The following HERC1 variants were observed in gnomAD, a reference collection of about 807,000 sequenced individuals.
HERC1 encodes probable E3 ubiquitin-protein ligase HERC1.
In HERC1, 160 loss-of-function variants were observed where a neutral mutation model predicts 554.3. The ratio of observed to expected loss-of-function variants is 0.29; its 90% CI spans 0.25 to 0.33. The LOEUF is 0.33. HERC1 is among the 10% of genes least tolerant of loss of function. The pLI, the probability that HERC1 is intolerant of heterozygous loss-of-function variation, is 1.00. For missense variants in HERC1, 4,919 were observed against 5,918.5 expected, an observed-to-expected ratio of 0.83 and a Z score of 5.54; for synonymous variants, 2,175 against 2,131.7, an observed-to-expected ratio of 1.02 and a Z score of -0.56.
intron 14 of HERC1, among the ~76,000 whole-genome samples, chr15:63,731,166 A>T (rs543340926): frequency 6.6e-6 from 1 of 152,262 alleles, no homozygotes; most frequent in South Asian, 2.1e-4. Context: ...CCACTCCTCT[A>T]TTTTTAGATG....
rs749817540 is a variant in HERC1 at position 63,694,436 on chromosome 15, A to G, written c.5356T>C (p.Cys1786Arg). 2 of 1,613,894 alleles carry G rather than the reference A, an allele frequency of 1.2e-6. No homozygotes were observed. The highest frequency in any genetic ancestry group is 2.7e-5 in the African/African-American group (2 of 74,930). Residue 1786 changes from cysteine to arginine, a missense_variant, in exon 29 of 78, where the codon TGT (cysteine) becomes CGT (arginine). Cys to Arg is a radical substitution (Grantham distance 180, BLOSUM62 -3). Around this residue, in one of 11 missense-constraint regions of HERC1, gnomAD observed 1,121 missense variants for 1,244.0 expected, o/e 0.90. Transcript: ENST00000443617. This position sits in a 1 kb window ranked among gnomAD's most constrained non-coding sequence, Gnocchi z 4.3. The part of the protein sequence containing the change: ...TGLLNVLSQL[C>R]GTDTMLGQPL... ...TGTCCTAGCATGGTGTCTGTACCAC[A>G]CAACTGTGACAATACGTTTAGCAGA... is the stretch of plus-strand genomic sequence containing the variant.
At chr15:63,630,797 C>T in intron 68 of HERC1, 162 bp from the exon 69 acceptor site, 1 of 546,190 alleles carries the variant, frequency 1.8e-6, no homozygotes, top group Non-Finnish European at 3.0e-6. Context: ...ACACCACGTT[C>T]TGAATAAATA....
At position 63,716,310 on chromosome 15, in the gene HERC1, G is replaced by A; in HGVS notation, c.4142C>T (p.Thr1381Ile). 6.2e-7 allele frequency: 1 copy of A among 1,613,202 alleles called. No individual in the cohort carries two copies. The highest frequency in any genetic ancestry group is 8.5e-7 in the Non-Finnish European group (1 of 1,179,536). ...AAGAAGGGTATACTCACTGCCAGCT[G>A]TCATCACTTCATGTTCCCGTTCCTC... ...EEEEREHEVM[T>I]AGKIFQCFLS... Residue 1381 changes from threonine to isoleucine, a missense_variant, in exon 22 of 78, where the codon ACA becomes ATA. Thr to Ile is a moderately conservative substitution (Grantham distance 89). Coordinates refer to ENST00000443617, the MANE Select transcript of HERC1 (RefSeq NM_003922.4).
chr15:63,624,160 G>A lies in HERC1; in HGVS notation c.13443C>T (p.Thr4481=), dbSNP rs2068202707. The A allele has an allele frequency of 6.2e-7, 1 of 1,608,754 alleles. No individual in the cohort carries two copies. Among genetic ancestry groups the A allele is most frequent in the African/African-American group, 1.3e-5 (1 of 74,794 alleles). Residue 4481 remains threonine, a splice_region_variant and synonymous_variant, in exon 72 of 78, where the codon ACC becomes ACT. Transcript: ENST00000443617. ...GPQITVKRIS[T]RGRKCKPIFV... is the part of the protein sequence containing the mutation. ...CAAACACACATACATATGCTAACCT[G>A]GTTGATATCCTCTTTACAGTTATCT...
Position 63,636,988 on chromosome 15 carries a change from C to T in HERC1, c.12232+517G>A, listed in dbSNP as rs1190790142. On this transcript the variant is annotated intron_variant, in intron 64 of 77. Transcript: ENST00000443617. ...CTCATAGTTACTTGTATGCTTTTAC[C>T]TAAAAAAACCGTCGGTGCTCTCTTT... 50 of 371,302 alleles carry T rather than the reference C, an allele frequency of 1.3e-4. 1 individual carries two copies. The Admixed American group carries it at 1.8e-3, about 14-fold the overall frequency. The allele number at this position is 371,302 out of a possible 1,614,324, so 23.0% of individuals were successfully genotyped here.
At chr15:63,663,227 A>G (rs2070445153) in intron 43 of HERC1, 23 bp from the exon 44 acceptor site, 1 of 1,591,248 alleles carries the variant, frequency 6.3e-7, no homozygotes, top group Non-Finnish European at 8.6e-7. Context: ...CAAAAAAGGC[A>G]TTTTATTTGC....
chr15:63,824,153 G>A (rs1893306907), intron 1 of HERC1, among the ~76,000 whole-genome samples: 10 of 152,184 alleles, frequency 6.6e-5, no homozygotes, highest in African/African-American at 2.4e-5. Flanking sequence ...GTTGATGAGG[G>A]AGTGGGGAAA....
intron 7 of HERC1, among the ~76,000 whole-genome samples, chr15:63,753,926 C>T (rs1349268933): frequency 6.6e-6 from 1 of 152,100 alleles, no homozygotes; most frequent in Admixed American, 6.5e-5. Flanking sequence ...GTAATACAAG[C>T]ACTTTGGGAG....
chr15:63,767,995 C>T (rs1004057566), intron 2 of HERC1, among the ~76,000 whole-genome samples: 1 of 151,968 alleles, frequency 6.6e-6, no homozygotes, highest in African/African-American at 2.4e-5. Flanking sequence ...TCATAGTCTC[C>T]GTTATCGCCC....
In HERC1 at chr15:63,634,815, T is replaced by C. The variant is rs1438499204; in HGVS notation, c.12488A>G (p.Tyr4163Cys). The C allele has an allele frequency of 1.2e-6, 2 of 1,613,266 alleles. No homozygotes were observed. Among genetic ancestry groups the C allele is most frequent in the Non-Finnish European group, 1.7e-6 (2 of 1,179,440 alleles). The stretch of plus-strand genomic sequence containing the variant: ...GGTATTTCCAAGACCCAGACGACCA[T>C]AGTCACCATTCCCAAAGGTGAACAG... ...GKLFTFGNGD[Y>C]GRLGLGNTSN... The change falls in exon 66 of 78, where the codon TAT (tyrosine) becomes TGT (cysteine). Residue 4163 changes from tyrosine to cysteine, a missense_variant. Physicochemically the swap from Tyr to Cys is radical, Grantham distance 194 (BLOSUM62 -2). Around this residue, in one of 11 missense-constraint regions of HERC1, gnomAD observed 410 missense variants for 467.0 expected, o/e 0.88. Coordinates refer to ENST00000443617, the MANE Select transcript of HERC1 (RefSeq NM_003922.4).
At chr15:63,737,417 C>A (rs1173048232) in intron 12 of HERC1, among the ~76,000 whole-genome samples, 3 of 69,886 alleles carry the variant, frequency 4.3e-5, no homozygotes, top group Non-Finnish European at 3.1e-5. Context: ...ATATATATAT[C>A]TTTTTTCCAG....
At chr15:63,829,474 A>C (rs1235102298) in intron 1 of HERC1, among the ~76,000 whole-genome samples, 1 of 36,046 alleles carries the variant, frequency 2.8e-5, no homozygotes, top group Non-Finnish European at 7.3e-5. Context: ...ATATATGTTT[A>C]TATAAATATA....
At chr15:63,631,575 T>G (rs185333460) in intron 68 of HERC1, among the ~76,000 whole-genome samples, 221 of 152,118 alleles carry the variant, frequency 1.5e-3, no homozygotes, top group African/African-American at 4.9e-3. Context: ...GTTTCGCTCT[T>G]GTCGCCCAGG....
At chr15:63,699,368 G>A (rs2072601287) in intron 25 of HERC1, among the ~76,000 whole-genome samples, 1 of 152,206 alleles carries the variant, frequency 6.6e-6, no homozygotes. Flanking sequence ...AGGCACTTAA[G>A]ACACTGCTAG....
In HERC1 at chr15:63,614,698, G is replaced by A. The variant is rs80156324; in HGVS notation, c.14094+1070C>T. 9.1e-3 allele frequency among the ~76,000 whole-genome samples: 1,382 copies of A among 152,300 alleles called. 29 individuals carry two copies. Among genetic ancestry groups the A allele is most frequent in the African/African-American group, 0.032 (1,331 of 41,574 alleles). ...AAAGTATTACTGAAATGCTATTAAT[G>A]ACTGTATTATCAAAAGAACCATTTT... is the stretch of plus-strand genomic sequence containing the variant. On this transcript the variant is annotated intron_variant, in intron 76 of 77. Transcript: ENST00000443617.
chr15:63,638,853 T>A, intron 61 of HERC1, 77 bp from the exon 62 acceptor site: 1 of 976,808 alleles, frequency 1.0e-6, no homozygotes, highest in Non-Finnish European at 1.6e-6. Flanking sequence ...AGTCCTCTTC[T>A]AATCATTAAG....
intron 12 of HERC1, among the ~76,000 whole-genome samples, chr15:63,739,475 G>C (rs1024784002): frequency 1.3e-5 from 2 of 151,898 alleles, no homozygotes; most frequent in Admixed American, 6.6e-5. Flanking sequence ...GGGATTATAG[G>C]CGTGAGCCAC....
chr15:63,777,379 T>C (rs2076146908), intron 1 of HERC1, among the ~76,000 whole-genome samples: 1 of 152,210 alleles, frequency 6.6e-6, no homozygotes, highest in Admixed American at 6.5e-5. Context: ...ACCAGCATTG[T>C]GCAGAGGACA....
At chr15:63,789,160 G>A (rs1469076088) in intron 1 of HERC1, among the ~76,000 whole-genome samples, 12 of 125,576 alleles carry the variant, frequency 9.6e-5, no homozygotes, top group East Asian at 2.5e-4. Flanking sequence ...GTGCAATCTC[G>A]GCTCACTGCA....
Sources: gnomAD v4.1 joint callset for allele counts (sites outside exome capture counted in the v4.1 genomes callset) on GRCh38, gnomAD v4.1.1 for gene constraint, gnomAD v4.1.1 regional missense constraint, Gnocchi (gnomAD v3.1) non-coding constraint, MANE v1.5 for transcripts, NCBI Gene and HGNC (gene_info 2026-07-23, HGNC 2026-07-21) for gene names.